KCNT2: variants seen among roughly 807,000 people sequenced by gnomAD.
KCNT2 encodes potassium channel subfamily T member 2.
In KCNT2, 67 loss-of-function variants were observed where a neutral mutation model predicts 153.8. The observed-to-expected ratio is 0.44, with a 90% CI of 0.36 to 0.53. KCNT2 has a LOEUF of 0.53. Among genes scored for constraint, KCNT2 ranks in the 20% least tolerant of loss-of-function variants. KCNT2 has a pLI of 0.00. For missense variants in KCNT2, 975 were observed against 1,354.8 expected (o/e 0.72, Z 4.40); for synonymous variants, 500 against 458.8 (o/e 1.09, Z -1.15).
intron 4 of KCNT2, among the ~76,000 whole-genome samples, chr1:196,481,966 TA>T (rs1054988952): frequency 2.0e-5 from 3 of 152,142 alleles, no homozygotes; most frequent in African/African-American, 7.2e-5. Flanking sequence ...ACACTAAGAA[TA>T]CAAGGTAAAA....
At chr1:196,464,867 A>G (rs1465590963) in intron 8 of KCNT2, among the ~76,000 whole-genome samples, 2 of 152,022 alleles carry the variant, frequency 1.3e-5, no homozygotes, top group African/African-American at 4.8e-5. Flanking sequence ...ACTGCACACT[A>G]AGAATCATGC....
chr1:196,285,688 C>T lies in KCNT2; in HGVS notation c.2666G>A (p.Ser889Asn), dbSNP rs771541921. 1 of 1,612,250 alleles carries T rather than the reference C, an allele frequency of 6.2e-7. No individual in the cohort carries two copies. Among genetic ancestry groups the T allele is most frequent in the Admixed American group, 1.7e-5 (1 of 59,992 alleles). The stretch of plus-strand genomic sequence containing the variant: ...CAGCAGAGTGTCCAACATACTGATG[C>T]TAAACACCCTCCCAGCAGCAAAAGG... ...RLPFAAGRVF[S>N]ISMLDTLLYQ... Residue 889 changes from serine (S) to asparagine (N), a missense_variant, in exon 23 of 28, where the codon AGC becomes AAC. Ser to Asn is a conservative substitution (Grantham distance 46, BLOSUM62 1). This residue lies in a region of KCNT2 where 66 missense variants were observed against 147.9 expected (regional missense o/e 0.45). Coordinates refer to ENST00000294725, the MANE Select transcript of KCNT2 (RefSeq NM_198503.5).
intron 1 of KCNT2, among the ~76,000 whole-genome samples, chr1:196,555,212 G>A (rs1029493277): frequency 2.6e-5 from 4 of 151,274 alleles, no homozygotes; most frequent in African/African-American, 7.3e-5. Context: ...CTTATTTGCA[G>A]ATGATACTTA....
chr1:196,549,494 A>T (rs1288422282), intron 1 of KCNT2, among the ~76,000 whole-genome samples: 1 of 151,902 alleles, frequency 6.6e-6, no homozygotes, highest in Non-Finnish European at 1.5e-5. Context: ...CATCTCTGTG[A>T]TACATAGTAT....
chr1:196,606,410 G>A (rs1665325836), intron 1 of KCNT2, among the ~76,000 whole-genome samples: 1 of 152,160 alleles, frequency 6.6e-6, no homozygotes, highest in Non-Finnish European at 1.5e-5. Context: ...ATGGTTGAAT[G>A]ATTGTTTTAA....
In KCNT2 at chr1:196,515,421, T is replaced by C. The variant is rs201420502; in HGVS notation, c.96-23080A>G. Among the ~76,000 whole-genome samples, 6 of 152,176 alleles carry C rather than the reference T, an allele frequency of 3.9e-5. No individual in the cohort carries two copies. The East Asian group carries it at 5.8e-4, about 15-fold the overall frequency. Reference sequence around the variant, plus strand: ...AACTTGCTTACAACCTTAGTACTTATGAAAATATGCATATTTCATTTGTAC... The same window carrying C: ...AACTTGCTTACAACCTTAGTACTTACGAAAATATGCATATTTCATTTGTAC... On this transcript the variant is annotated intron_variant, in intron 1 of 27. Coordinates refer to ENST00000294725, the MANE Select transcript of KCNT2 (RefSeq NM_198503.5).
chr1:196,379,601 CT>C (rs1669301010), intron 13 of KCNT2, among the ~76,000 whole-genome samples: 1 of 132,814 alleles, frequency 7.5e-6, no homozygotes, highest in African/African-American at 2.9e-5. Flanking sequence ...CTCTCTCTCT[CT>C]CTCTCTGTAT....
chr1:196,442,541 A>G (rs1675330443), intron 8 of KCNT2, among the ~76,000 whole-genome samples: 1 of 151,738 alleles, frequency 6.6e-6, no homozygotes, highest in Non-Finnish European at 1.5e-5. Context: ...ACTTCCGTTC[A>G]TAGTGGAATT....
chr1:196,258,432 G>A lies in KCNT2; in HGVS notation c.2973C>T (p.His991=), dbSNP rs371836559. 1.9e-5 allele frequency: 30 copies of A among 1,613,772 alleles called. No homozygotes were observed. Among genetic ancestry groups the A allele is most frequent in the Non-Finnish European group, 2.5e-5 (30 of 1,179,960 alleles). Residue 991 remains histidine (H), a synonymous_variant, in exon 26 of 28, where the codon CAC becomes CAT. Transcript: ENST00000294725. ...TTGAGTTGCGGTGGTTGCTGCGGTG[G>A]TGCCCTTGTTCTTTGGAGTCTTTGG... is the stretch of plus-strand genomic sequence containing the variant. The part of the protein sequence containing the change: ...EDTKDSKEQG[H]HRSNHRNSTS...
At chr1:196,296,947 T>C (rs1402588998) in intron 22 of KCNT2, among the ~76,000 whole-genome samples, 2 of 152,086 alleles carry the variant, frequency 1.3e-5, no homozygotes, top group African/African-American at 2.4e-5. Flanking sequence ...AAAAAAATCA[T>C]TGGTTTCATG....
At chr1:196,425,723 G>T in intron 11 of KCNT2, 129 bp downstream of exon 11, 1 of 873,252 alleles carries the variant, frequency 1.1e-6, no homozygotes, top group East Asian at 2.5e-5. Context: ...AGGGACTAAG[G>T]CAAGAGTCTA....
intron 26 of KCNT2, among the ~76,000 whole-genome samples, chr1:196,251,816 G>A (rs1381736185): frequency 6.6e-6 from 1 of 151,832 alleles, no homozygotes; most frequent in Non-Finnish European, 1.5e-5. Context: ...TATTAACCCT[G>A]ATGTGATTAT....
intron 8 of KCNT2, among the ~76,000 whole-genome samples, chr1:196,450,867 C>A (rs572869078): frequency 6.6e-6 from 1 of 151,868 alleles, no homozygotes. Context: ...TGCACTGACT[C>A]CTCCTCTGCC....
chr1:196,554,112 A>G (rs917556152), intron 1 of KCNT2, among the ~76,000 whole-genome samples: 1 of 151,302 alleles, frequency 6.6e-6, no homozygotes, highest in Non-Finnish European at 1.5e-5. Flanking sequence ...AAGAGCTATA[A>G]AAACAAGAGC....
chr1:196,249,205 G>C (rs1490098928), intron 26 of KCNT2, among the ~76,000 whole-genome samples: 2 of 152,032 alleles, frequency 1.3e-5, no homozygotes, highest in Non-Finnish European at 2.9e-5. Context: ...ATACTGAGTA[G>C]GGAAAAACTG....
chr1:196,504,157 A>C (rs1001243493), intron 1 of KCNT2, among the ~76,000 whole-genome samples: 5 of 151,992 alleles, frequency 3.3e-5, no homozygotes, highest in African/African-American at 1.2e-4. Flanking sequence ...ATATGTATAC[A>C]TGTGACATGC....
intron 4 of KCNT2, 32 bp from the exon 5 acceptor site, chr1:196,479,270 C>T (rs375694661): frequency 1.0e-4 from 127 of 1,260,968 alleles, no homozygotes; most frequent in South Asian, 4.5e-4. Flanking sequence ...AATGAGAAAA[C>T]GCAATACAAT....
At chr1:196,597,368 G>A (rs1332305353) in intron 1 of KCNT2, among the ~76,000 whole-genome samples, 18 of 150,232 alleles carry the variant, frequency 1.2e-4, no homozygotes, top group South Asian at 4.2e-4. Flanking sequence ...GTAACCTCAC[G>A]TACTTTTTTT....
intron 22 of KCNT2, among the ~76,000 whole-genome samples, chr1:196,299,318 A>G (rs1660963280): frequency 6.6e-6 from 1 of 152,020 alleles, no homozygotes; most frequent in Admixed American, 6.6e-5. Context: ...CGCTGACAAA[A>G]CTGTAGTGGT....
Sources: gnomAD v4.1 joint callset for allele counts (sites outside exome capture counted in the v4.1 genomes callset) on GRCh38, gnomAD v4.1.1 for gene constraint, gnomAD v4.1.1 regional missense constraint, MANE v1.5 for transcripts, NCBI Gene and HGNC (gene_info 2026-07-23, HGNC 2026-07-21) for gene names.